The following TTC28 variants were observed in gnomAD, a reference collection of about 807,000 sequenced individuals.
The protein encoded by TTC28 is tetratricopeptide repeat protein 28.
In TTC28, 61 loss-of-function variants were observed where a neutral mutation model predicts 198.0. The observed-to-expected ratio is 0.31, with a 90% CI of 0.25 to 0.38. TTC28 has a LOEUF of 0.38. TTC28 is among the 10% of genes least tolerant of loss of function. The pLI is 1.00. For synonymous variants in TTC28, 1,171 were observed against 1,297.8 expected (o/e 0.90, Z 2.10); for missense variants, 2,678 against 3,164.0 (o/e 0.85, Z 3.69).
At chr22:28,268,582 T>C (rs1392793728) in intron 5 of TTC28, among the ~76,000 whole-genome samples, 1 of 152,198 alleles carries the variant, frequency 6.6e-6, no homozygotes, top group South Asian at 2.1e-4. Context: ...TTTGAAAATA[T>C]CTGATTCTAA....
intron 2 of TTC28, among the ~76,000 whole-genome samples, chr22:28,506,573 T>C (rs1412633890): frequency 1.3e-5 from 2 of 152,224 alleles, no homozygotes; most frequent in African/African-American, 4.8e-5. Context: ...AGACTGCTTC[T>C]TTAAGCAGTT....
intron 1 of TTC28, among the ~76,000 whole-genome samples, chr22:28,658,424 AT>A (rs975517877): frequency 1.3e-5 from 2 of 152,178 alleles, no homozygotes; most frequent in African/African-American, 4.8e-5. Flanking sequence ...TTCATTAAAA[AT>A]TTTTCTCTAA....
intron 12 of TTC28, among the ~76,000 whole-genome samples, chr22:28,060,709 C>T (rs1196941871): frequency 1.3e-5 from 2 of 152,116 alleles, no homozygotes; most frequent in African/African-American, 2.4e-5. Context: ...TTACAGTTCA[C>T]CAACAGTGTA....
chr22:28,106,298 C>T (rs1221414602), intron 7 of TTC28, among the ~76,000 whole-genome samples: 18 of 152,164 alleles, frequency 1.2e-4, no homozygotes, highest in Non-Finnish European at 2.6e-4. Context: ...CCTGCAGACA[C>T]AGGCACCTTC....
intron 2 of TTC28, among the ~76,000 whole-genome samples, chr22:28,627,435 CTTTTTTTT>C (rs113850616): frequency 7.2e-6 from 1 of 138,352 alleles, no homozygotes; most frequent in Non-Finnish European, 1.6e-5. Flanking sequence ...TTTTCTTTTT[CTTTTTTTT>C]TTTTTTTTGA....
At chr22:28,421,179 G>A (rs982902293) in intron 2 of TTC28, among the ~76,000 whole-genome samples, 1 of 152,132 alleles carries the variant, frequency 6.6e-6, no homozygotes, top group East Asian at 1.9e-4. Flanking sequence ...CTTTTATCAT[G>A]GTTCAGCTAA....
chr22:28,407,990 G>A (rs1292243755), intron 2 of TTC28, among the ~76,000 whole-genome samples: 5 of 152,040 alleles, frequency 3.3e-5, no homozygotes, highest in East Asian at 1.9e-4. Flanking sequence ...TAACTTCTTC[G>A]TAACCTCTCT....
chr22:27,995,793 G>A (rs749321915), intron 17 of TTC28, among the ~76,000 whole-genome samples: 7 of 152,106 alleles, frequency 4.6e-5, no homozygotes, highest in East Asian at 1.9e-4. Context: ...CACTGTCGTC[G>A]GCTGCCCTTC....
chr22:28,030,138 GC>G, intron 13 of TTC28, 87 bp downstream of exon 13: 18 of 1,492,148 alleles, frequency 1.2e-5, no homozygotes, highest in South Asian at 6.7e-5. Flanking sequence ...AGCCTAACCA[GC>G]TGGAAGGAGC....
intron 2 of TTC28, among the ~76,000 whole-genome samples, chr22:28,504,647 GCA>G (rs1434261001): frequency 6.6e-6 from 1 of 152,156 alleles, no homozygotes; most frequent in Non-Finnish European, 1.5e-5. Context: ...TAAATAAACT[GCA>G]CAGTCTTTTG....
intron 6 of TTC28, among the ~76,000 whole-genome samples, chr22:28,159,849 T>C (rs1264401717): frequency 6.6e-6 from 1 of 152,130 alleles, no homozygotes; most frequent in African/African-American, 2.4e-5. Flanking sequence ...AAAGAAAATG[T>C]GGTACATATA....
At chr22:28,642,690 C>A (rs768472025) in intron 1 of TTC28, among the ~76,000 whole-genome samples, 9 of 152,076 alleles carry the variant, frequency 5.9e-5, no homozygotes, top group Non-Finnish European at 1.3e-4. Context: ...AAGGACCAGG[C>A]ATGTTTCAGA....
At chr22:28,406,313 A>G (rs577609327) in intron 2 of TTC28, among the ~76,000 whole-genome samples, 3 of 152,388 alleles carry the variant, frequency 2.0e-5, no homozygotes, top group South Asian at 2.1e-4. Context: ...ACACACACTT[A>G]TCTTATTAAC....
At chr22:28,592,233 C>T (rs967420903) in intron 2 of TTC28, among the ~76,000 whole-genome samples, 2 of 152,058 alleles carry the variant, frequency 1.3e-5, no homozygotes, top group Admixed American at 6.6e-5. Context: ...CACCTGTGGT[C>T]CCATCTACTT....
At chr22:28,657,511 A>G (rs1368552095) in intron 1 of TTC28, among the ~76,000 whole-genome samples, 1 of 152,244 alleles carries the variant, frequency 6.6e-6, no homozygotes. Flanking sequence ...AAATAAAACT[A>G]CTACCTTCAC....
At chr22:28,116,763 C>A (rs1340654441) in intron 6 of TTC28, among the ~76,000 whole-genome samples, 1 of 152,202 alleles carries the variant, frequency 6.6e-6, no homozygotes, top group Non-Finnish European at 1.5e-5. Flanking sequence ...AAAGCTGAAC[C>A]AGTACCATCT....
intron 5 of TTC28, among the ~76,000 whole-genome samples, chr22:28,229,351 A>T (rs1928621909): frequency 6.6e-6 from 1 of 152,202 alleles, no homozygotes; most frequent in African/African-American, 2.4e-5. Context: ...GCTAAAATAA[A>T]GGGGGACCAA....
chr22:28,164,072 T>A (rs1266022630), intron 5 of TTC28, among the ~76,000 whole-genome samples: 1 of 152,174 alleles, frequency 6.6e-6, no homozygotes, highest in Non-Finnish European at 1.5e-5. Context: ...GAGATCAAAC[T>A]GCAAGGCGGA....
intron 2 of TTC28, among the ~76,000 whole-genome samples, chr22:28,562,772 C>T (rs1242122274): frequency 1.3e-5 from 2 of 152,274 alleles, no homozygotes; most frequent in East Asian, 3.9e-4. Context: ...AGAAGTCTTG[C>T]CTTCTGACAT....
Sources: gnomAD v4.1 joint callset for allele counts (sites outside exome capture counted in the v4.1 genomes callset) on GRCh38, gnomAD v4.1.1 for gene constraint, MANE v1.5 for transcripts, NCBI Gene and HGNC (gene_info 2026-07-23, HGNC 2026-07-21) for gene names.